LCT: variants seen among roughly 807,000 people sequenced by gnomAD.
LCT encodes lactase/phlorizin hydrolase.
LCT carries 90 observed loss-of-function variants against 173.0 expected under a neutral mutation model. That is an observed-to-expected ratio of 0.52 (90% CI 0.44 to 0.62). The LOEUF is 0.62. LCT is among the 20% of genes least tolerant of loss of function. The probability of loss-of-function intolerance (pLI) is 0.00; values close to 1 mark genes in which losing one functional copy is unlikely to be tolerated. For missense variants in LCT, 1,864 were observed against 2,431.4 expected (o/e 0.77, Z 4.91); for synonymous variants, 853 against 957.6 (o/e 0.89, Z 2.02).
At chr2:135,830,828 C>T (rs1445218034) in intron 2 of LCT, among the ~76,000 whole-genome samples, 2 of 152,196 alleles carry the variant, frequency 1.3e-5, no homozygotes, top group East Asian at 1.9e-4. Flanking sequence ...TGAGTTCCTA[C>T]CTCTGAAAGT....
chr2:135,794,623 C>G lies in LCT; in HGVS notation c.5111+18G>C. 6.2e-7 allele frequency: 1 copy of G among 1,613,572 alleles called. No individual in the cohort carries two copies. On this transcript the variant is annotated intron_variant, in intron 14 of 16. Coordinates refer to ENST00000264162, the MANE Select transcript of LCT (RefSeq NM_002299.4). ...CCTTTTCCAGAGATGGCTCCGGGCT[C>G]CCTGTTGGTGGACTTACCTGTCTGC...
chr2:135,799,289 G>A (rs2077606667), intron 12 of LCT, among the ~76,000 whole-genome samples: 1 of 152,020 alleles, frequency 6.6e-6, no homozygotes, highest in African/African-American at 2.4e-5. Context: ...AGCCCAAAGT[G>A]GGAACCAATC....
At position 135,789,762 on chromosome 2, in the gene LCT, A is replaced by G. The variant is rs1187259945; in HGVS notation, c.5372T>C (p.Val1791Ala). The G allele has an allele frequency of 6.2e-7, 1 of 1,614,066 alleles. No individual in the cohort carries two copies. ...QDKVDLRGYT[V>A]WSAMDNFEWA... is the part of the protein sequence containing the mutation. ...CTCAAAATTGTCCATCGCACTCCAA[A>G]CTGTGTATCCTCGAAGGTCCACCTT... is the stretch of plus-strand genomic sequence containing the variant. The change falls in exon 16 of 17, where the codon GTT becomes GCT. Residue 1791 changes from valine (V) to alanine (A), a missense_variant. Coordinates refer to ENST00000264162, the MANE Select transcript of LCT (RefSeq NM_002299.4).
chr2:135,802,136 C>T (rs1019482484), intron 11 of LCT, among the ~76,000 whole-genome samples: 4 of 152,104 alleles, frequency 2.6e-5, no homozygotes, highest in Admixed American at 6.6e-5. Flanking sequence ...ACCAAAGGGG[C>T]GAACTAGGAC....
intron 6 of LCT, among the ~76,000 whole-genome samples, chr2:135,815,068 T>G (rs982753349): frequency 6.6e-6 from 1 of 152,180 alleles, no homozygotes; most frequent in Non-Finnish European, 1.5e-5. Flanking sequence ...AGAAGGTGGC[T>G]GCCTGCAGGC....
chr2:135,820,094 C>G (rs1450788763), intron 5 of LCT: 1 of 152,210 alleles, frequency 6.6e-6, no homozygotes, highest in East Asian at 1.9e-4. Context: ...CGCTCTGTCT[C>G]CCCTATAAGG....
chr2:135,809,338 C>T lies in LCT; in HGVS notation c.3009G>A (p.Leu1003=). Residue 1003 remains leucine (L), a synonymous_variant, in exon 8 of 17, where the codon CTG becomes CTA. Transcript: ENST00000264162. This position sits in a 1 kb window ranked among gnomAD's most constrained non-coding sequence, Gnocchi z 5.5. ...TGTTGCTTGCCACCAAGCCATTGAT[C>T]AGCCTGTTGTAATAATCAACCCCAT... ...NSHGVDYYNR[L]INGLVASNIF... 6.2e-7 allele frequency: 1 copy of T among 1,614,198 alleles called. No homozygotes were observed. The highest frequency in any genetic ancestry group is 1.1e-5 in the South Asian group (1 of 91,084).
At chr2:135,823,650 C>T (rs767187520) in intron 4 of LCT, among the ~76,000 whole-genome samples, 1 of 152,168 alleles carries the variant, frequency 6.6e-6, no homozygotes, top group East Asian at 1.9e-4. Context: ...ACAGCTGAGG[C>T]CTAACTATCT....
Position 135,812,852 on chromosome 2 carries a change from G to A in LCT, c.1812C>T (p.Asp604=), listed in dbSNP as rs777577669. The change falls in exon 7 of 17, where the codon GAC becomes GAT. Residue 604 remains aspartate (D), a synonymous_variant. Coordinates refer to ENST00000264162, the MANE Select transcript of LCT (RefSeq NM_002299.4). ...QGHVGIVLNS[D]WAEPLSPERP... ...TCTCTGGAGACAGGGGTTCTGCCCA[G>A]TCTGAGTTCAGCACAATGCCCACGT... 11 of 1,614,134 alleles carry A rather than the reference G, an allele frequency of 6.8e-6. No homozygotes were observed. The highest frequency in any genetic ancestry group is 8.5e-6 in the Non-Finnish European group (10 of 1,180,058).
chr2:135,811,729 G>A (rs909472274), intron 7 of LCT, among the ~76,000 whole-genome samples: 1 of 151,304 alleles, frequency 6.6e-6, no homozygotes, highest in African/African-American at 2.4e-5. Flanking sequence ...AAGATAATGA[G>A]GCTTGATGAC....
chr2:135,807,755 G>A (rs2077689600), intron 8 of LCT, among the ~76,000 whole-genome samples: 1 of 150,960 alleles, frequency 6.6e-6, no homozygotes. Context: ...GTTGCAGTGA[G>A]CCGAGATCAC....
chr2:135,820,967 G>A (rs947440756), intron 5 of LCT, among the ~76,000 whole-genome samples: 1 of 151,330 alleles, frequency 6.6e-6, no homozygotes, highest in Non-Finnish European at 1.5e-5. Context: ...TGCAAGCTCT[G>A]CCTCCAGGGT....
chr2:135,829,470 C>A, intron 3 of LCT, 123 bp downstream of exon 3: 1 of 787,446 alleles, frequency 1.3e-6, no homozygotes, highest in Non-Finnish European at 2.3e-6. Context: ...CCAGACACAA[C>A]TCAGCCGGTC....
intron 12 of LCT, 78 bp downstream of exon 12, chr2:135,800,529 T>C (rs2077616700): frequency 8.0e-7 from 1 of 1,245,578 alleles, no homozygotes; most frequent in Admixed American, 1.7e-5. Context: ...CCTAAATCTT[T>C]GATTCACAAT....
chr2:135,807,453 A>G, intron 8 of LCT, 57 bp from the exon 9 acceptor site: 3 of 1,564,182 alleles, frequency 1.9e-6, no homozygotes, highest in Non-Finnish European at 2.6e-6. Context: ...CAGGACCTCC[A>G]TGCACCCAAC....
intron 3 of LCT, among the ~76,000 whole-genome samples, chr2:135,827,717 C>A (rs1468579473): frequency 3.9e-5 from 6 of 152,200 alleles, no homozygotes; most frequent in African/African-American, 1.4e-4. Flanking sequence ...GGTCGCTGAT[C>A]TGACAGGAGG....
intron 6 of LCT, among the ~76,000 whole-genome samples, chr2:135,813,268 A>C (rs2077750933): frequency 6.6e-6 from 1 of 152,234 alleles, no homozygotes; most frequent in Non-Finnish European, 1.5e-5. Context: ...ATCCAAACCA[A>C]TGTCAACAAG....
rs199920712 is a variant in LCT at position 135,818,060 on chromosome 2, T to C, written c.988A>G (p.Met330Val). 5.0e-6 allele frequency: 8 copies of C among 1,613,074 alleles called. No individual in the cohort carries two copies. The Admixed American group carries it at 6.7e-5, about 13-fold the overall frequency. ...LSCSSSSKKS[M>V]SCSLTGSLAL... is the part of the protein sequence containing the mutation. ...AGGCTGCCAGTCAGAGAACAAGACA[T>C]GCTGCAGGATTGAAGGGACAAAAAG... The change falls in exon 6 of 17, where the codon ATG (methionine) becomes GTG (valine). Residue 330 changes from methionine to valine, a missense_variant and splice_region_variant. By Grantham distance (21) the Met-to-Val change is conservative. Coordinates refer to ENST00000264162, the MANE Select transcript of LCT (RefSeq NM_002299.4).
chr2:135,801,184 T>C, intron 11 of LCT, among the ~76,000 whole-genome samples: 1 of 152,058 alleles, frequency 6.6e-6, no homozygotes. Context: ...AAAATACCCA[T>C]AATAGAGATA....
Sources: allele counts gnomAD v4.1 joint callset (sites outside exome capture counted in the v4.1 genomes callset), GRCh38; gene constraint gnomAD v4.1.1; non-coding constraint Gnocchi (gnomAD v3.1); transcripts MANE v1.5; gene names NCBI Gene and HGNC (gene_info 2026-07-23, HGNC 2026-07-21).